NRP1: variants seen among roughly 807,000 people sequenced by gnomAD.
The protein encoded by NRP1 is neuropilin 1.
Under a neutral mutation model 106.7 loss-of-function variants are expected in NRP1, and 35 were observed. The observed-to-expected ratio is 0.33, with a 90% CI of 0.25 to 0.43. The LOEUF (loss-of-function observed/expected upper bound fraction) is 0.43. Ranked by LOEUF, NRP1 falls within the 20% of genes least tolerant of loss-of-function variation. The pLI is 1.00. For missense variants in NRP1, 1,024 were observed against 1,170.4 expected, an observed-to-expected ratio of 0.87 and a Z score of 1.83; for synonymous variants, 437 against 417.9, an observed-to-expected ratio of 1.05 and a Z score of -0.56.
intron 6 of NRP1, among the ~76,000 whole-genome samples, chr10:33,241,719 G>C (rs1246733419): frequency 1.4e-5 from 2 of 145,722 alleles, no homozygotes; most frequent in African/African-American, 2.5e-5. Context: ...GTTTGGAAAG[G>C]CTAAAAAAAA....
At chr10:33,256,988 A>G (rs1030850375) in intron 4 of NRP1, among the ~76,000 whole-genome samples, 5 of 152,170 alleles carry the variant, frequency 3.3e-5, no homozygotes, top group African/African-American at 9.7e-5. Flanking sequence ...TGGCTTCCTC[A>G]TGCTATCTTT....
intron 2 of NRP1, among the ~76,000 whole-genome samples, chr10:33,277,534 T>TC: frequency 6.6e-6 from 1 of 152,332 alleles, no homozygotes; most frequent in African/African-American, 2.4e-5. Context: ...ATGCCCAGCT[T>TC]CCGAGGAGCT....
At position 33,307,791 on chromosome 10, in the gene NRP1, G is replaced by T. The variant is rs546198523; in HGVS notation, c.248+22917C>A. ...ATTTAGATAAAAATTATTTTAGAAA[G>T]ATGTGATTTACCAAATGCTTGTTTT... On this transcript the variant is annotated intron_variant, in intron 2 of 16. Coordinates refer to ENST00000374867, the MANE Select transcript of NRP1 (RefSeq NM_003873.7). 3.9e-5 allele frequency among the ~76,000 whole-genome samples: 6 copies of T among 152,234 alleles called. No homozygotes were observed. The South Asian group carries it at 1.2e-3, about 32-fold the overall frequency.
intron 2 of NRP1, among the ~76,000 whole-genome samples, chr10:33,294,461 T>C (rs879905928): frequency 3.3e-5 from 5 of 151,706 alleles, no homozygotes; most frequent in Non-Finnish European, 5.9e-5. Flanking sequence ...CTACTAAAAA[T>C]ACAAAATTAG....
At chr10:33,308,316 C>G (rs1015300) in intron 2 of NRP1, among the ~76,000 whole-genome samples, 12,658 of 150,974 alleles carry the variant, frequency 0.084, 846 homozygotes, top group African/African-American at 0.18. Flanking sequence ...TTGTGACATG[C>G]AATTTACCAA....
At chr10:33,291,259 A>G (rs1844974086) in intron 2 of NRP1, among the ~76,000 whole-genome samples, 1 of 152,170 alleles carries the variant, frequency 6.6e-6, no homozygotes, top group Admixed American at 6.5e-5. Context: ...GTCAGCGCAA[A>G]TTAGGATCCT....
chr10:33,264,003 T>C, intron 3 of NRP1, 130 bp from the exon 4 acceptor site: 2 of 639,880 alleles, frequency 3.1e-6, no homozygotes, highest in Non-Finnish European at 2.8e-6. Flanking sequence ...TCTAATCATG[T>C]ATTAGTCAGC....
At chr10:33,190,570 C>A (rs530101402) in intron 13 of NRP1, among the ~76,000 whole-genome samples, 77 of 152,290 alleles carry the variant, frequency 5.1e-4, no homozygotes, top group Non-Finnish European at 8.5e-4. Flanking sequence ...ATGGGAAAGG[C>A]ATGAAGTACC....
intron 7 of NRP1, among the ~76,000 whole-genome samples, chr10:33,222,111 G>A (rs944768963): frequency 3.3e-5 from 5 of 152,026 alleles, no homozygotes; most frequent in Admixed American, 6.6e-5. Context: ...ACTATTATAT[G>A]GATAATATTG....
At chr10:33,249,663 G>A in intron 6 of NRP1, 1 of 364,020 alleles carries the variant, frequency 2.7e-6, no homozygotes, top group South Asian at 2.2e-5. Flanking sequence ...GGCAGGGCAG[G>A]CAAATTTCAT....
intron 10 of NRP1, among the ~76,000 whole-genome samples, chr10:33,204,885 A>C (rs1837639356): frequency 6.6e-6 from 1 of 151,778 alleles, no homozygotes; most frequent in Non-Finnish European, 1.5e-5. Flanking sequence ...GCGCCCACCA[A>C]CACACCCAGC....
chr10:33,329,129 A>G (rs879583459), intron 2 of NRP1, among the ~76,000 whole-genome samples: 3 of 152,206 alleles, frequency 2.0e-5, no homozygotes, highest in African/African-American at 4.8e-5. Flanking sequence ...ACCATAAAGA[A>G]TATTAGCAAA....
At chr10:33,312,086 A>T (rs1248929750) in intron 2 of NRP1, among the ~76,000 whole-genome samples, 5 of 152,204 alleles carry the variant, frequency 3.3e-5, no homozygotes, top group Non-Finnish European at 7.4e-5. Flanking sequence ...AATGGAGGAG[A>T]AAAGTGCAAT....
In NRP1 at chr10:33,227,894, A is replaced by T. The variant is rs1375511606; in HGVS notation, c.982-1605T>A. Reference sequence around the variant, plus strand: ...AAGGAGTGGGATTAGATAACTTGGAAGACTCTTTTCCACTCTGACCTCCTA... The same window carrying T: ...AAGGAGTGGGATTAGATAACTTGGATGACTCTTTTCCACTCTGACCTCCTA... On this transcript the variant is annotated intron_variant, in intron 6 of 16. Coordinates refer to ENST00000374867, the MANE Select transcript of NRP1 (RefSeq NM_003873.7). Among the ~76,000 whole-genome samples, 5 of 152,258 alleles carry T rather than the reference A, an allele frequency of 3.3e-5. No homozygotes were observed. In the South Asian group the frequency reaches 1.0e-3, roughly 32 times the overall value.
At chr10:33,303,996 C>T (rs1845976304) in intron 2 of NRP1, among the ~76,000 whole-genome samples, 2 of 152,192 alleles carry the variant, frequency 1.3e-5, no homozygotes, top group Middle Eastern at 3.4e-3. Context: ...GATTTTTTCC[C>T]AAATCTTGAG....
At chr10:33,249,744 A>C (rs1841711453) in intron 6 of NRP1, among the ~76,000 whole-genome samples, 1 of 152,206 alleles carries the variant, frequency 6.6e-6, no homozygotes, top group Non-Finnish European at 1.5e-5. Context: ...CTTTTTGAGC[A>C]GGATATGGCT....
intron 2 of NRP1, among the ~76,000 whole-genome samples, chr10:33,295,406 A>C (rs1427344605): frequency 6.6e-6 from 1 of 152,194 alleles, no homozygotes; most frequent in African/African-American, 2.4e-5. Context: ...AGAACTTTCC[A>C]TTAGAAGATT....
rs1835486209 is a variant in NRP1 at position 33,178,297 on chromosome 10, C to G, written c.*1779G>C. ...TGGCATGATAAAAATCCACCAAAAC[C>G]AACCAAAGCTTCTTTGGGTTAATTC... is the stretch of plus-strand genomic sequence containing the variant. On this transcript the variant is annotated 3_prime_UTR_variant, in exon 17 of 17. Coordinates refer to ENST00000374867, the MANE Select transcript of NRP1 (RefSeq NM_003873.7). The G allele has an allele frequency of 6.6e-6, 1 of 152,120 alleles. No homozygotes were observed. The highest frequency in any genetic ancestry group is 1.5e-5 in the Non-Finnish European group (1 of 67,998). 9.4% of individuals were successfully genotyped at this position (152,120 alleles called of 1,614,324 possible). A position where few individuals can be genotyped will look rare whatever the true frequency, so the allele number is the denominator to read the frequency against.
chr10:33,199,386 T>C (rs1837079061), intron 11 of NRP1, among the ~76,000 whole-genome samples: 1 of 74,930 alleles, frequency 1.3e-5, no homozygotes, highest in East Asian at 5.8e-4. Flanking sequence ...TATATATATA[T>C]ATATTTTTTT....
Sources: gnomAD v4.1 joint callset for allele counts (sites outside exome capture counted in the v4.1 genomes callset) on GRCh38, gnomAD v4.1.1 for gene constraint, MANE v1.5 for transcripts, NCBI Gene and HGNC (gene_info 2026-07-23, HGNC 2026-07-21) for gene names.